Variants in PDK1 observed in about 807,000 individuals in gnomAD.
PDK1 encodes the protein [Pyruvate dehydrogenase (acetyl-transferring)] kinase isozyme 1, mitochondrial.
PDK1 carries 39 observed loss-of-function variants against 54.2 expected under a neutral mutation model. The observed-to-expected ratio is 0.72, with a 90% CI of 0.56 to 0.94. PDK1 has a LOEUF of 0.94. Ranked by LOEUF, PDK1 falls within the 40% of genes least tolerant of loss-of-function variation. PDK1 has a pLI of 0.00. For synonymous variants in PDK1, 221 were observed against 207.1 expected (o/e 1.07, Z -0.58); for missense variants, 552 against 566.0 (o/e 0.98, Z 0.25).
the PDK1 span, among the ~76,000 whole-genome samples, chr2:172,714,470 T>C: frequency 6.6e-6 from 1 of 152,122 alleles, no homozygotes; most frequent in South Asian, 2.1e-4. Flanking sequence ...TACCATACTT[T>C]TCTGTATCAA....
rs980025001 is a variant in PDK1, at chr2:172,599,317, G to A, written c.*3348G>A. The stretch of plus-strand genomic sequence containing the variant: ...TTCATTGTTGAAGCCAACAAGTTCC[G>A]TAACAGAACTCCAGAGGTAAATAGC... On this transcript the variant is annotated 3_prime_UTR_variant, in exon 11 of 11. Coordinates refer to ENST00000282077, the MANE Select transcript of PDK1 (RefSeq NM_002610.5). 3 of 152,102 alleles carry A rather than the reference G, an allele frequency of 2.0e-5. No homozygotes were observed. The highest frequency in any genetic ancestry group is 4.4e-5 in the Non-Finnish European group (3 of 68,008). 9.4% of individuals were successfully genotyped at this position (152,102 alleles called of 1,614,324 possible).
intron 8 of PDK1, among the ~76,000 whole-genome samples, chr2:172,575,939 G>T (rs1225932320): frequency 6.6e-6 from 1 of 151,972 alleles, no homozygotes; most frequent in Non-Finnish European, 1.5e-5. Context: ...TTTTTTGTTT[G>T]TTTTTTGAGA....
At chr2:172,589,597 C>A (rs1238875683) in intron 9 of PDK1, among the ~76,000 whole-genome samples, 1 of 152,148 alleles carries the variant, frequency 6.6e-6, no homozygotes, top group African/African-American at 2.4e-5. Flanking sequence ...GGTTAGCCTC[C>A]CAGGGCAGGG....
chr2:172,626,764 A>G, the PDK1 span, among the ~76,000 whole-genome samples: 5 of 151,662 alleles, frequency 3.3e-5, no homozygotes, highest in South Asian at 2.1e-4. Context: ...CTGCACTTAA[A>G]AAAAAAAAGA....
At chr2:172,649,494 T>C in the PDK1 span, among the ~76,000 whole-genome samples, 1 of 151,952 alleles carries the variant, frequency 6.6e-6, no homozygotes, top group Non-Finnish European at 1.5e-5. Flanking sequence ...CTTTGACGAG[T>C]TGAGAGAAGA....
intron 6 of PDK1, among the ~76,000 whole-genome samples, chr2:172,568,374 A>G (rs1254267481): frequency 6.6e-6 from 1 of 151,522 alleles, no homozygotes; most frequent in East Asian, 1.9e-4. Flanking sequence ...GTATGCATGC[A>G]TGTGAATTGG....
chr2:172,686,620 T>C, the PDK1 span, among the ~76,000 whole-genome samples: 1 of 152,134 alleles, frequency 6.6e-6, no homozygotes, highest in Non-Finnish European at 1.5e-5. Context: ...GGGCCACTTT[T>C]TACGCTGTGG....
chr2:172,663,483 T>C, the PDK1 span, among the ~76,000 whole-genome samples: 2 of 152,190 alleles, frequency 1.3e-5, no homozygotes, highest in Non-Finnish European at 2.9e-5. Flanking sequence ...TAATGAATTT[T>C]CTTGAGACAG....
the PDK1 span, among the ~76,000 whole-genome samples, chr2:172,618,380 C>G: frequency 1.3e-5 from 2 of 152,070 alleles, no homozygotes; most frequent in Non-Finnish European, 2.9e-5. Flanking sequence ...AAGTAGATGG[C>G]AAGGATACAT....
Position 172,601,988 on chromosome 2 carries a change from A to G in PDK1, c.*6019A>G, listed in dbSNP as rs1691132139. 6.6e-6 allele frequency: 1 copy of G among 152,194 alleles called. No individual in the cohort carries two copies. Among genetic ancestry groups the G allele is most frequent in the Admixed American group, 6.5e-5 (1 of 15,268 alleles). 9.4% of individuals were successfully genotyped at this position (152,194 alleles called of 1,614,324 possible). ...AGAAGATCCATCTAAGATTTTGACA[A>G]TTTAAATCAACCACTAAGGAAGTGG... On this transcript the variant is annotated 3_prime_UTR_variant, in exon 11 of 11. Transcript: ENST00000282077.
intron 8 of PDK1, among the ~76,000 whole-genome samples, chr2:172,579,315 C>G (rs1464797449): frequency 6.6e-6 from 1 of 152,110 alleles, no homozygotes; most frequent in Non-Finnish European, 1.5e-5. Flanking sequence ...TTCCCAGCAG[C>G]TACCAGGCTG....
the PDK1 span, among the ~76,000 whole-genome samples, chr2:172,653,516 T>C: frequency 6.6e-6 from 1 of 151,882 alleles, no homozygotes; most frequent in African/African-American, 2.4e-5. Flanking sequence ...GTAACAAAAA[T>C]TGCTTGAACC....
chr2:172,562,041 C>A (rs1688680195), intron 2 of PDK1, among the ~76,000 whole-genome samples, 179 bp from the exon 3 acceptor site: 1 of 152,228 alleles, frequency 6.6e-6, no homozygotes, highest in Non-Finnish European at 1.5e-5. Context: ...TTCTACCATT[C>A]ATTCCCAGCA....
intron 10 of PDK1, 105 bp downstream of exon 10, chr2:172,593,153 G>C: frequency 3.6e-6 from 2 of 560,588 alleles, no homozygotes; most frequent in Non-Finnish European, 3.1e-6. Context: ...TGTTTAAATA[G>C]AAAAAAACTA....
the PDK1 span, among the ~76,000 whole-genome samples, chr2:172,689,509 C>T: frequency 6.6e-6 from 1 of 152,176 alleles, no homozygotes; most frequent in Admixed American, 6.5e-5. Flanking sequence ...CTTTAAAGTT[C>T]ATATGGAAAC....
chr2:172,595,596 C>A (rs1157833015), intron 10 of PDK1, among the ~76,000 whole-genome samples: 1 of 152,164 alleles, frequency 6.6e-6, no homozygotes, highest in Non-Finnish European at 1.5e-5. Flanking sequence ...TGGGGAATTA[C>A]TGTAAGCAAC....
At chr2:172,722,029 A>G in the PDK1 span, among the ~76,000 whole-genome samples, 1 of 152,260 alleles carries the variant, frequency 6.6e-6, no homozygotes, top group Non-Finnish European at 1.5e-5. Context: ...GCAAATATAA[A>G]ATTGCAGAAT....
At position 172,556,245 on chromosome 2, in the gene PDK1, C is replaced by T. The variant is rs1462474567; in HGVS notation, c.95C>T (p.Ser32Leu). 2.0e-6 allele frequency: 3 copies of T among 1,468,294 alleles called. No individual in the cohort carries two copies. The highest frequency in any genetic ancestry group is 3.0e-5 in the East Asian group (1 of 33,884). The allele number at this position is 1,468,294 out of a possible 1,614,324, so 91.0% of individuals were successfully genotyped here. ...AGFSRSFSSD[S>L]GSSPASERGV... ...TTCAGCCGCAGCTTCAGCTCGGACT[C>T]GGGCTCCAGCCCGGCGTCCGAGCGC... Residue 32 changes from serine to leucine, a missense_variant, in exon 1 of 11, where the codon TCG becomes TTG. By Grantham distance (145) the Ser-to-Leu change is moderately radical (BLOSUM62 -2). Transcript: ENST00000282077.
chr2:172,568,885 C>A, intron 7 of PDK1, 68 bp downstream of exon 7: 1 of 872,008 alleles, frequency 1.1e-6, no homozygotes, highest in African/African-American at 1.7e-5. Flanking sequence ...CTCTGAAAGC[C>A]AAATATTCCA....
Sources: allele counts gnomAD v4.1 joint callset (sites outside exome capture counted in the v4.1 genomes callset), GRCh38; gene constraint gnomAD v4.1.1; transcripts MANE v1.5; gene names NCBI Gene and HGNC (gene_info 2026-07-23, HGNC 2026-07-21).